Variants in IBTK observed in about 807,000 individuals in gnomAD.
The protein encoded by IBTK is BTK-binding protein.
A neutral mutation model predicts 154.9 loss-of-function variants in IBTK; 83 were observed. That is an observed-to-expected ratio of 0.54 (90% confidence interval 0.45 to 0.64). The LOEUF (loss-of-function observed/expected upper bound fraction) is 0.64, where lower values mean the gene tolerates loss of function less well. IBTK is among the 30% of genes least tolerant of loss of function. IBTK has a pLI of 0.00. For missense variants in IBTK, 1,332 were observed against 1,584.6 expected, an observed-to-expected ratio of 0.84 and a Z score of 2.71; for synonymous variants, 515 against 536.1, an observed-to-expected ratio of 0.96 and a Z score of 0.54.
chr6:82,182,296 CA>C (rs1480139381), intron 25 of IBTK, among the ~76,000 whole-genome samples: 1 of 151,518 alleles, frequency 6.6e-6, no homozygotes, highest in African/African-American at 2.4e-5. Flanking sequence ...CATCAGATAA[CA>C]ACAACAAAAG....
At chr6:82,247,111 C>T (rs1411908770) in intron 1 of IBTK, among the ~76,000 whole-genome samples, 1 of 152,188 alleles carries the variant, frequency 6.6e-6, no homozygotes, top group Admixed American at 6.5e-5. Context: ...CAATCAATGT[C>T]CACTTATCAG....
chr6:82,191,079 T>A lies in IBTK; in HGVS notation c.3569A>T (p.Asn1190Ile). 1.3e-6 allele frequency: 2 copies of A among 1,551,746 alleles called. No individual in the cohort carries two copies. Among genetic ancestry groups the A allele is most frequent in the South Asian group, 2.4e-5 (2 of 81,742 alleles). Reference protein sequence around the residue: ...FTPSKAPKPVNAWASSLHSVS... With the variant: ...FTPSKAPKPVIAWASSLHSVS... ...AATAAAAATAAGAGCATACCATGCA[T>A]TCACTGGTTTGGGGGCTTTTGAAGG... The change falls in exon 25 of 29, where the codon AAT becomes ATT. Residue 1190 changes from asparagine (N) to isoleucine (I), a missense_variant. Physicochemically the swap from Asn to Ile is moderately radical, Grantham distance 149. Around this residue, in one of 3 missense-constraint regions of IBTK, gnomAD observed 1,134 missense variants for 1,274.7 expected, o/e 0.89. Transcript: ENST00000306270.
At chr6:82,215,325 T>G (rs1469067413) in intron 11 of IBTK, among the ~76,000 whole-genome samples, 1 of 152,174 alleles carries the variant, frequency 6.6e-6, no homozygotes, top group East Asian at 1.9e-4. Context: ...GATACCTCTC[T>G]GCTTATGTGA....
intron 2 of IBTK, among the ~76,000 whole-genome samples, chr6:82,238,365 C>G (rs999443667): frequency 6.6e-6 from 1 of 152,014 alleles, no homozygotes; most frequent in African/African-American, 2.4e-5. Context: ...TATTTCAAAA[C>G]GCTTTATTAT....
At chr6:82,185,686 G>A (rs958656733) in intron 25 of IBTK, among the ~76,000 whole-genome samples, 37 of 151,612 alleles carry the variant, frequency 2.4e-4, no homozygotes, top group African/African-American at 8.5e-4. Context: ...ACTGAATTAT[G>A]TGGCTATCTC....
intron 13 of IBTK, among the ~76,000 whole-genome samples, chr6:82,212,408 T>C (rs1034876907): frequency 1.1e-4 from 16 of 152,130 alleles, no homozygotes; most frequent in Non-Finnish European, 2.2e-4. Flanking sequence ...TGGGGGCTAA[T>C]AACATTTCCT....
At chr6:82,246,842 C>G (rs925828788) in intron 1 of IBTK, among the ~76,000 whole-genome samples, 10 of 152,174 alleles carry the variant, frequency 6.6e-5, no homozygotes, top group African/African-American at 2.4e-4. Context: ...CATATCCTTT[C>G]AGTATTTCTG....
intron 2 of IBTK, 28 bp downstream of exon 2, chr6:82,240,138 A>G: frequency 6.4e-7 from 1 of 1,551,952 alleles, no homozygotes; most frequent in Non-Finnish European, 8.8e-7. Flanking sequence ...CAGACTAAAT[A>G]CGTTTAAAAT....
intron 17 of IBTK, 60 bp downstream of exon 17, chr6:82,204,797 A>G: frequency 9.5e-7 from 1 of 1,056,358 alleles, no homozygotes; most frequent in Non-Finnish European, 1.4e-6. Context: ...AAGTCAATAA[A>G]GTACAGTAAT....
rs1291804420 is a variant in IBTK, at chr6:82,220,609, G to C, written c.1229C>G (p.Ala410Gly). The change falls in exon 9 of 29, where the codon GCA (alanine) becomes GGA (glycine). Residue 410 changes from alanine to glycine, a missense_variant. Ala to Gly is a moderately conservative substitution (Grantham distance 60, BLOSUM62 0). Around this residue, in one of 3 missense-constraint regions of IBTK, gnomAD observed 1,134 missense variants for 1,274.7 expected, o/e 0.89. Transcript: ENST00000306270. ...ENGGQKICIL[A>G]MDGAGRVFCW... ...ACTTACCCTTCCAGCTCCATCCATTGCAAGAATGCAAATTTTTTGACCCCC... is the reference window on the plus strand; with the variant it reads ...ACTTACCCTTCCAGCTCCATCCATTCCAAGAATGCAAATTTTTTGACCCCC... The C allele has an allele frequency of 3.1e-6, 5 of 1,610,742 alleles. No homozygotes were observed. The Admixed American group carries it at 6.7e-5, about 22-fold the overall frequency.
At chr6:82,174,016 A>C (rs185341200) in intron 26 of IBTK, among the ~76,000 whole-genome samples, 9 of 152,278 alleles carry the variant, frequency 5.9e-5, no homozygotes, top group Admixed American at 1.3e-4. Flanking sequence ...AAGCAGTAAG[A>C]AGCATTCCAG....
At chr6:82,204,203 C>A (rs1472507204) in intron 17 of IBTK, among the ~76,000 whole-genome samples, 2 of 152,206 alleles carry the variant, frequency 1.3e-5, no homozygotes, top group East Asian at 1.9e-4. Flanking sequence ...CCAGAAGGAA[C>A]AGATAACAGT....
intron 21 of IBTK, among the ~76,000 whole-genome samples, chr6:82,198,294 C>G (rs951388347): frequency 2.0e-5 from 3 of 152,036 alleles, no homozygotes; most frequent in African/African-American, 7.2e-5. Flanking sequence ...ATCAATCCAC[C>G]CCTGCCTCCT....
chr6:82,209,124 A>G (rs1769528682), intron 16 of IBTK, among the ~76,000 whole-genome samples: 1 of 152,188 alleles, frequency 6.6e-6, no homozygotes, highest in African/African-American at 2.4e-5. Flanking sequence ...GAACCCTCAC[A>G]CTGTTAGTGG....
intron 25 of IBTK, among the ~76,000 whole-genome samples, chr6:82,187,026 C>T (rs1030348258): frequency 6.6e-6 from 1 of 150,710 alleles, no homozygotes; most frequent in African/African-American, 2.4e-5. Flanking sequence ...AGTGATTCTC[C>T]TGCCTCAGCC....
chr6:82,185,550 A>T (rs1377987715), intron 25 of IBTK, among the ~76,000 whole-genome samples: 1 of 150,192 alleles, frequency 6.7e-6, no homozygotes, highest in African/African-American at 2.5e-5. Flanking sequence ...AAAAGTTCCA[A>T]TTTTTTCTTT....
At chr6:82,244,215 T>C (rs1465345266) in intron 1 of IBTK, among the ~76,000 whole-genome samples, 4 of 152,252 alleles carry the variant, frequency 2.6e-5, no homozygotes, top group Admixed American at 6.5e-5. Flanking sequence ...TTTTCATTAC[T>C]ATTGTTTCTT....
chr6:82,214,483 T>C lies in IBTK; in HGVS notation c.1948A>G (p.Arg650Gly). Residue 650 changes from arginine (R) to glycine (G), a missense_variant, in exon 12 of 29, where the codon AGA becomes GGA. Transcript: ENST00000306270. ...TCTGGGTTTTTGTTTAAGTGTATTC[T>C]TGGTTTGAAGCCATGAGTTAAAAAG... ...CDFLTHGFKP[R>G]IHLNKNPEEY... is the part of the protein sequence containing the mutation. 1 of 1,614,138 alleles carries C rather than the reference T, an allele frequency of 6.2e-7. No individual in the cohort carries two copies. Among genetic ancestry groups the C allele is most frequent in the East Asian group, 2.2e-5 (1 of 44,854 alleles).
At chr6:82,208,622 A>G (rs925829725) in intron 16 of IBTK, among the ~76,000 whole-genome samples, 1 of 152,110 alleles carries the variant, frequency 6.6e-6, no homozygotes, top group Non-Finnish European at 1.5e-5. Flanking sequence ...GCACAGCTGT[A>G]GTCCCAGTTA....
Sources: gnomAD v4.1 joint callset for allele counts (sites outside exome capture counted in the v4.1 genomes callset) on GRCh38, gnomAD v4.1.1 for gene constraint, gnomAD v4.1.1 regional missense constraint, MANE v1.5 for transcripts, NCBI Gene and HGNC (gene_info 2026-07-23, HGNC 2026-07-21) for gene names.